PPP3CC: variants seen among roughly 807,000 people sequenced by gnomAD.
The protein encoded by PPP3CC is protein phosphatase 3 catalytic subunit gamma, also known as serine/threonine-protein phosphatase 2B catalytic subunit gamma isoform.
A neutral mutation model predicts 60.3 loss-of-function variants in PPP3CC; 35 were observed. The observed-to-expected ratio is 0.58, with a 90% CI of 0.44 to 0.77. The LOEUF (loss-of-function observed/expected upper bound fraction) is 0.77, where lower values mean the gene tolerates loss of function less well. Ranked by LOEUF, PPP3CC falls within the 30% of genes least tolerant of loss-of-function variation. The pLI is 0.00. For synonymous variants in PPP3CC, 206 were observed against 224.3 expected (o/e 0.92, Z 0.73); for missense variants, 570 against 628.9 (o/e 0.91, Z 1.00).
chr8:22,478,156 C>T (rs1330103426), intron 3 of PPP3CC, among the ~76,000 whole-genome samples: 3 of 146,806 alleles, frequency 2.0e-5, no homozygotes, highest in African/African-American at 7.6e-5. Flanking sequence ...GGCAATAAAA[C>T]AACTTTTTTT....
intron 10 of PPP3CC, among the ~76,000 whole-genome samples, chr8:22,529,038 C>T (rs1389528323): frequency 6.6e-6 from 1 of 152,196 alleles, no homozygotes. Flanking sequence ...ATATTTATTA[C>T]ATGCTTGATA....
In PPP3CC at chr8:22,441,368, C is replaced by G. The variant is rs868151312; in HGVS notation, c.-42C>G. 7 of 1,514,038 alleles carry G rather than the reference C, an allele frequency of 4.6e-6. No individual in the cohort carries two copies. Among genetic ancestry groups the G allele is most frequent in the South Asian group, 1.2e-5 (1 of 80,880 alleles). The allele number at this position is 1,514,038 out of a possible 1,614,324, so 93.8% of individuals were successfully genotyped here. ...AGGCGGCGGCCGCGGCGTAGGCGCACGTCCGGCGGGCTCCTGGAGCCTGGA... is the reference window on the plus strand; with the variant it reads ...AGGCGGCGGCCGCGGCGTAGGCGCAGGTCCGGCGGGCTCCTGGAGCCTGGA... On this transcript the variant is annotated 5_prime_UTR_variant, in exon 1 of 14. Coordinates refer to ENST00000240139, the MANE Select transcript of PPP3CC (RefSeq NM_005605.5).
chr8:22,475,760 T>G (rs1837869715), intron 3 of PPP3CC, 136 bp downstream of exon 3: 1 of 895,974 alleles, frequency 1.1e-6, no homozygotes, highest in Non-Finnish European at 1.6e-6. Flanking sequence ...ATTAAAGTAG[T>G]AGAAATGTTT....
chr8:22,527,267 C>A (rs1839582700), intron 8 of PPP3CC, 125 bp from the exon 9 acceptor site: 2 of 1,083,518 alleles, frequency 1.8e-6, no homozygotes, highest in African/African-American at 1.6e-5. Context: ...TTTACCTAGT[C>A]AAGTCCTGAC....
In PPP3CC at chr8:22,475,641, A is replaced by G. The variant is rs775884758; in HGVS notation, c.372+17A>G. On this transcript the variant is annotated intron_variant, in intron 3 of 13. Transcript: ENST00000240139. Reference sequence around the variant, plus strand: ...AGTATAGAGGTAAAAATTAAACTGGATATGTTGGGACTATTATATTGTCTT... The same window carrying G: ...AGTATAGAGGTAAAAATTAAACTGGGTATGTTGGGACTATTATATTGTCTT... 7 of 1,604,332 alleles carry G rather than the reference A, an allele frequency of 4.4e-6. No individual in the cohort carries two copies. The highest frequency in any genetic ancestry group is 6.0e-6 in the Non-Finnish European group (7 of 1,174,170).
chr8:22,509,858 C>G, intron 4 of PPP3CC, among the ~76,000 whole-genome samples: 1 of 152,144 alleles, frequency 6.6e-6, no homozygotes, highest in East Asian at 1.9e-4. Context: ...TGTGCCACCA[C>G]AGCCAGCTAA....
At chr8:22,441,941 CTT>C (rs1033731830) in intron 1 of PPP3CC, among the ~76,000 whole-genome samples, 38 of 152,252 alleles carry the variant, frequency 2.5e-4, no homozygotes, top group African/African-American at 8.9e-4. Context: ...CTGGAATAAA[CTT>C]AGTATGAACA....
At chr8:22,453,659 C>G (rs953670045) in intron 1 of PPP3CC, among the ~76,000 whole-genome samples, 1 of 152,136 alleles carries the variant, frequency 6.6e-6, no homozygotes, top group African/African-American at 2.4e-5. Flanking sequence ...CTTATACAAA[C>G]CTAGATGTTA....
chr8:22,507,527 A>G (rs1838959580), intron 4 of PPP3CC, among the ~76,000 whole-genome samples: 1 of 152,228 alleles, frequency 6.6e-6, no homozygotes, highest in Non-Finnish European at 1.5e-5. Context: ...TTTAAGTCTC[A>G]GTTCTGCCAG....
intron 1 of PPP3CC, among the ~76,000 whole-genome samples, chr8:22,459,435 T>A (rs764302452): frequency 6.7e-6 from 1 of 148,382 alleles, no homozygotes; most frequent in Non-Finnish European, 1.5e-5. Flanking sequence ...TAATAACCAC[T>A]TCATTATTAT....
At chr8:22,513,007 C>A (rs1229997779) in intron 5 of PPP3CC, among the ~76,000 whole-genome samples, 2 of 150,778 alleles carry the variant, frequency 1.3e-5, no homozygotes, top group African/African-American at 4.9e-5. Flanking sequence ...ACCTGGGAGG[C>A]GGAGTTTGCG....
chr8:22,489,242 C>A (rs1005825707), intron 3 of PPP3CC, among the ~76,000 whole-genome samples: 1 of 152,006 alleles, frequency 6.6e-6, no homozygotes, highest in African/African-American at 2.4e-5. Flanking sequence ...ATTTCAAAGT[C>A]TTTCCTTTTT....
chr8:22,478,932 A>C (rs1837979770), intron 3 of PPP3CC, among the ~76,000 whole-genome samples: 1 of 152,220 alleles, frequency 6.6e-6, no homozygotes, highest in Admixed American at 6.5e-5. Context: ...TGCTAACTTA[A>C]AGGGTTTTTT....
chr8:22,510,185 A>C (rs895435404), intron 4 of PPP3CC, among the ~76,000 whole-genome samples: 5 of 149,394 alleles, frequency 3.3e-5, no homozygotes, highest in African/African-American at 1.2e-4. Context: ...TCCGTCTCAA[A>C]AAAAAAAAAA....
chr8:22,458,040 G>A (rs753290992), intron 1 of PPP3CC, among the ~76,000 whole-genome samples: 1 of 152,086 alleles, frequency 6.6e-6, no homozygotes, highest in African/African-American at 2.4e-5. Flanking sequence ...GCAGTGAGCC[G>A]AGATCGTGCC....
At chr8:22,533,142 G>A (rs1013637895) in intron 12 of PPP3CC, 124 bp downstream of exon 12, 6 of 613,228 alleles carry the variant, frequency 9.8e-6, no homozygotes, top group Non-Finnish European at 1.5e-5. Context: ...CATAAGCGGG[G>A]AAATGAATCT....
At chr8:22,460,250 T>G (rs889403751) in intron 1 of PPP3CC, among the ~76,000 whole-genome samples, 3 of 152,196 alleles carry the variant, frequency 2.0e-5, no homozygotes, top group African/African-American at 4.8e-5. Context: ...ATAGGATAGT[T>G]TGAAAGATTA....
chr8:22,459,863 TA>T, intron 1 of PPP3CC, among the ~76,000 whole-genome samples: 1 of 152,288 alleles, frequency 6.6e-6, no homozygotes, highest in African/African-American at 2.4e-5. Flanking sequence ...TTTTCTTAGA[TA>T]GGTCATAGAA....
intron 1 of PPP3CC, among the ~76,000 whole-genome samples, chr8:22,460,938 C>T (rs1837345624): frequency 6.6e-6 from 1 of 150,842 alleles, no homozygotes; most frequent in African/African-American, 2.4e-5. Context: ...CTCCACCTCC[C>T]AGGTTCAAGT....
Sources: allele counts gnomAD v4.1 joint callset (sites outside exome capture counted in the v4.1 genomes callset), GRCh38; gene constraint gnomAD v4.1.1; transcripts MANE v1.5; gene names NCBI Gene and HGNC (gene_info 2026-07-23, HGNC 2026-07-21).